Variants in CCT6A observed in about 807,000 individuals in gnomAD.
CCT6A encodes chaperonin containing TCP1 subunit 6A.
In CCT6A, 6 loss-of-function variants were observed where a neutral mutation model predicts 58.6. That is an observed-to-expected ratio of 0.10 (90% CI 0.06 to 0.20). CCT6A has a LOEUF of 0.20. Among genes scored for constraint, CCT6A ranks in the 10% least tolerant of loss-of-function variants. The pLI is 1.00. For synonymous variants in CCT6A, 245 were observed against 227.8 expected (o/e 1.08, Z -0.68); for missense variants, 516 against 648.8 (o/e 0.80, Z 2.22).
chr7:56,058,688 G>GAA lies in CCT6A; in HGVS notation c.955_956insAA (p.Arg319LysfsTer7). Reference sequence around the variant, plus strand: ...TAGTTGCTCTGCGCAGAGCTAAAAGGAGAAATATGGAGAGGTATCCGAGTA... The same window carrying GAA: ...TAGTTGCTCTGCGCAGAGCTAAAAGGAAAGAAATATGGAGAGGTATCCGAGTA... On this transcript the variant is annotated frameshift_variant, in exon 8 of 14. Coordinates refer to ENST00000275603, the MANE Select transcript of CCT6A (RefSeq NM_001762.4). LOFTEE classifies it high-confidence loss of function. The GAA allele has an allele frequency of 6.4e-7, 1 of 1,566,774 alleles. No individual in the cohort carries two copies. Among genetic ancestry groups the GAA allele is most frequent in the Non-Finnish European group, 8.8e-7 (1 of 1,140,556 alleles).
chr7:56,062,550 T>G (rs539076026), intron 12 of CCT6A, 133 bp from the exon 13 acceptor site: 6 of 758,362 alleles, frequency 7.9e-6, no homozygotes, highest in African/African-American at 5.2e-5. Flanking sequence ...AGTAGAAAAT[T>G]GGGCTAACAG....
At chr7:56,057,950 C>T (rs1188005802) in intron 5 of CCT6A, 43 bp from the exon 6 acceptor site, 2 of 976,154 alleles carry the variant, frequency 2.0e-6, no homozygotes, top group Non-Finnish European at 3.3e-6. Context: ...ATTAAATACC[C>T]ATCTGAAAAT....
chr7:56,056,948 C>A (rs1344112114), intron 5 of CCT6A, among the ~76,000 whole-genome samples: 1 of 151,884 alleles, frequency 6.6e-6, no homozygotes, highest in Non-Finnish European at 1.5e-5. Flanking sequence ...AGGCGCCCGC[C>A]ACCATGCCCG....
rs574047673 is a variant in CCT6A, at chr7:56,062,845, A to G, written c.1523+90A>G. The G allele has an allele frequency of 1.4e-5, 17 of 1,227,480 alleles. No homozygotes were observed. The East Asian group carries it at 3.7e-4, about 27-fold the overall frequency. 76.0% of individuals were successfully genotyped at this position (1,227,480 alleles called of 1,614,324 possible). On this transcript the variant is annotated intron_variant, in intron 13 of 13. Coordinates refer to ENST00000275603, the MANE Select transcript of CCT6A (RefSeq NM_001762.4). ...GTTTAGTTGCTCCTTTCCCCCATGA[A>G]TAATGTGATCAGCTGGAAGTATGGA...
In CCT6A at chr7:56,056,614, C is replaced by T. The variant is rs1047657650; in HGVS notation, c.614+200C>T. Among the ~76,000 whole-genome samples the T allele has an allele frequency of 5.3e-5, 8 of 151,656 alleles. No homozygotes were observed. In the South Asian group the frequency reaches 6.3e-4, roughly 12 times the overall value. ...GGGCATGACTGTAATCCCAGCTACT[C>T]GGGAGGCTGAGGCAGCAGAATAGCT... On this transcript the variant is annotated intron_variant, in intron 5 of 13. Coordinates refer to ENST00000275603, the MANE Select transcript of CCT6A (RefSeq NM_001762.4).
In CCT6A at chr7:56,058,475, A is replaced by G. The variant is rs751213583; in HGVS notation, c.839A>G (p.Lys280Arg). The change falls in exon 7 of 14, where the codon AAA becomes AGA. Residue 280 changes from lysine (K) to arginine (R), a missense_variant. Transcript: ENST00000275603. ...AAAAAAATAATAGAACTGAAAAGGA[A>G]AGTCTGTGGCGATTCAGATAAAGGA... ...RVKKIIELKR[K>R]VCGDSDKGFV... The G allele has an allele frequency of 1.9e-6, 3 of 1,599,278 alleles. No homozygotes were observed. Among genetic ancestry groups the G allele is most frequent in the South Asian group, 2.3e-5 (2 of 87,400 alleles).
chr7:56,058,103 C>T lies in CCT6A; in HGVS notation c.725C>T (p.Thr242Ile), dbSNP rs1233848458. 2 of 1,537,378 alleles carry T rather than the reference C, an allele frequency of 1.3e-6. No homozygotes were observed. Among genetic ancestry groups the T allele is most frequent in the Non-Finnish European group, 1.8e-6 (2 of 1,110,560 alleles). Residue 242 changes from threonine (T) to isoleucine (I), a missense_variant and splice_region_variant, in exon 6 of 14, where the codon ACA (threonine) becomes ATA (isoleucine). Physicochemically the swap from Thr to Ile is moderately conservative, Grantham distance 89. Coordinates refer to ENST00000275603, the MANE Select transcript of CCT6A (RefSeq NM_001762.4). ...TCNVSLEYEK[T>I]EVNSGFFYKS... ...AACGTGTCATTAGAGTATGAGAAAA[C>T]GTAAGTTTATAGCCCCTTAACAGTG...
chr7:56,051,841 G>T lies in CCT6A; in HGVS notation c.-8G>T, dbSNP rs542638354. 25 of 1,556,926 alleles carry T rather than the reference G, an allele frequency of 1.6e-5. No homozygotes were observed. The Middle Eastern group carries it at 5.4e-4, about 34-fold the overall frequency. On this transcript the variant is annotated 5_prime_UTR_variant, in exon 1 of 14. Coordinates refer to ENST00000275603, the MANE Select transcript of CCT6A (RefSeq NM_001762.4). The stretch of plus-strand genomic sequence containing the variant: ...AGCATCGTTTCCTTTTCCTCCGCTG[G>T]AGCAGCTATGGCGGCGGTGAAGACC...
rs141043846 is a variant in CCT6A, at chr7:56,057,590, T to C, written c.615-403T>C. Among the ~76,000 whole-genome samples the C allele has an allele frequency of 6.5e-4, 99 of 152,186 alleles. 1 individual carries two copies. The highest frequency in any genetic ancestry group is 2.2e-3 in the African/African-American group (93 of 41,516). On this transcript the variant is annotated intron_variant, in intron 5 of 13. Coordinates refer to ENST00000275603, the MANE Select transcript of CCT6A (RefSeq NM_001762.4). ...TACAGCGTAGGATCTTCAGGTAATT[T>C]AAGAAATAGGCCGGGCGCAGTGGCT...
rs374894712 is a variant in CCT6A at position 56,062,744 on chromosome 7, T to G, written c.1512T>G (p.Leu504=). 8.1e-6 allele frequency: 13 copies of G among 1,609,158 alleles called. No individual in the cohort carries two copies. The South Asian group carries it at 1.3e-4, about 17-fold the overall frequency. ...ATAACTATTGTGTAAAGAAACAGCTTCTTCACTCCTGGTAAGTTTGGGAAA... is the reference window on the plus strand; with the variant it reads ...ATAACTATTGTGTAAAGAAACAGCTGCTTCACTCCTGGTAAGTTTGGGAAA... ...VWDNYCVKKQ[L]LHSCTVIATN... Residue 504 remains leucine (L), a synonymous_variant, in exon 13 of 14, where the codon CTT becomes CTG. Coordinates refer to ENST00000275603, the MANE Select transcript of CCT6A (RefSeq NM_001762.4).
Position 56,063,170 on chromosome 7 carries a change from A to C in CCT6A, c.*85A>C, listed in dbSNP as rs1794511105. 1 of 930,414 alleles carries C rather than the reference A, an allele frequency of 1.1e-6. No individual in the cohort carries two copies. The allele number at this position is 930,414 out of a possible 1,614,324, so 57.6% of individuals were successfully genotyped here. A position where few individuals can be genotyped will look rare whatever the true frequency, so the allele number is the denominator to read the frequency against. ...CTGTGGAATTTTTGTCCAAGCTTCA[A>C]ATAATTTTGAAAGAAATTTTCCCAT... is the stretch of plus-strand genomic sequence containing the variant. On this transcript the variant is annotated 3_prime_UTR_variant, in exon 14 of 14. Transcript: ENST00000275603.
At chr7:56,052,062 TGGAGCCC>T (rs958761884) in intron 1 of CCT6A, 77 bp downstream of exon 1, 5 of 1,221,428 alleles carry the variant, frequency 4.1e-6, no homozygotes, top group Non-Finnish European at 5.3e-6. Flanking sequence ...GACCGCGGAC[TGGAGCCC>T]GCCGCCTCGG....
intron 13 of CCT6A, 36 bp from the exon 14 acceptor site, chr7:56,062,977 A>G (rs1323989112): frequency 1.3e-6 from 2 of 1,503,090 alleles, no homozygotes; most frequent in East Asian, 4.5e-5. Flanking sequence ...AGGGCTCCTA[A>G]TCATCTGAGC....
intron 9 of CCT6A, 177 bp downstream of exon 9, chr7:56,059,817 C>T: frequency 1.9e-6 from 1 of 537,962 alleles, no homozygotes; most frequent in Non-Finnish European, 3.3e-6. Context: ...GGCTTCTGAG[C>T]AGGTGGGACC....
intron 11 of CCT6A, 160 bp from the exon 12 acceptor site, chr7:56,061,587 T>G (rs1486252655): frequency 2.3e-6 from 1 of 438,420 alleles, no homozygotes. Flanking sequence ...CCTCAGGTGA[T>G]CCACCTTCCA....
intron 2 of CCT6A, among the ~76,000 whole-genome samples, chr7:56,053,096 C>T (rs1279485187): frequency 6.6e-6 from 1 of 152,078 alleles, no homozygotes. Flanking sequence ...TGGGTTTTCT[C>T]TTTTTAAAAC....
rs1349515049 is a variant in CCT6A at position 56,062,701 on chromosome 7, C to T, written c.1469C>T (p.Ala490Val). 2 of 1,613,890 alleles carry T rather than the reference C, an allele frequency of 1.2e-6. No individual in the cohort carries two copies. The highest frequency in any genetic ancestry group is 1.7e-6 in the Non-Finnish European group (2 of 1,179,912). ...CTTTTAGGTGAGCCAATGGTGGCAG[C>T]AGAAGTAGGCGTATGGGATAACTAT... ...DLNTGEPMVA[A>V]EVGVWDNYCV... The change falls in exon 13 of 14, where the codon GCA (alanine) becomes GTA (valine). Residue 490 changes from alanine (A) to valine (V), a missense_variant. This residue lies in a region of CCT6A where 315 missense variants were observed against 389.4 expected (regional missense o/e 0.81). Coordinates refer to ENST00000275603, the MANE Select transcript of CCT6A (RefSeq NM_001762.4).
Position 56,055,668 on chromosome 7 carries a change from G to T in CCT6A, c.381G>T (p.Lys127Asn), listed in dbSNP as rs1794289620. ...RIITEGFEAA[K>N]EKALQFLEEV... The stretch of plus-strand genomic sequence containing the variant: ...TCACTGAAGGATTTGAAGCTGCAAA[G>T]GAAAAGGCCCTTCAGTTTTTGGAAG... Residue 127 changes from lysine to asparagine, a missense_variant, in exon 4 of 14, where the codon AAG (lysine) becomes AAT (asparagine). Lys to Asn is a moderately conservative substitution (Grantham distance 94). Transcript: ENST00000275603. 4 of 1,613,884 alleles carry T rather than the reference G, an allele frequency of 2.5e-6. No individual in the cohort carries two copies. In the East Asian group the frequency reaches 8.9e-5, roughly 36 times the overall value.
chr7:56,053,687 G>T (rs1477746484), intron 2 of CCT6A, among the ~76,000 whole-genome samples: 1 of 152,202 alleles, frequency 6.6e-6, no homozygotes, highest in Non-Finnish European at 1.5e-5. Context: ...AAACCTGGGA[G>T]ACTGAGGTTT....
Sources: allele counts gnomAD v4.1 joint callset (sites outside exome capture counted in the v4.1 genomes callset), GRCh38; gene constraint gnomAD v4.1.1; regional missense constraint gnomAD v4.1.1; transcripts MANE v1.5; gene names NCBI Gene and HGNC (gene_info 2026-07-23, HGNC 2026-07-21).